The following SORCS1 variants were observed in gnomAD, a reference collection of about 807,000 sequenced individuals.
SORCS1 encodes the protein sortilin related VPS10 domain containing receptor 1.
SORCS1 carries 60 observed loss-of-function variants against 146.1 expected under a neutral mutation model. The ratio of observed to expected loss-of-function variants is 0.41; its 90% CI spans 0.33 to 0.51. The LOEUF (loss-of-function observed/expected upper bound fraction) is 0.51. Ranked by LOEUF, SORCS1 falls within the 20% of genes least tolerant of loss-of-function variation. The pLI is 0.21. For missense variants in SORCS1, 1,352 were observed against 1,487.6 expected, an observed-to-expected ratio of 0.91 and a Z score of 1.50; for synonymous variants, 637 against 584.0, an observed-to-expected ratio of 1.09 and a Z score of -1.31.
At chr10:106,897,046 G>A (rs1385129516) in intron 2 of SORCS1, among the ~76,000 whole-genome samples, 2 of 151,260 alleles carry the variant, frequency 1.3e-5, no homozygotes, top group African/African-American at 4.9e-5. Flanking sequence ...GCCTGCCACC[G>A]CGCCCGGCTA....
chr10:106,897,803 C>T (rs1017771392), intron 2 of SORCS1, among the ~76,000 whole-genome samples: 2 of 152,180 alleles, frequency 1.3e-5, no homozygotes, highest in Non-Finnish European at 1.5e-5. Flanking sequence ...GTAACCAACG[C>T]TTAGTCAATG....
At chr10:106,613,966 T>C (rs1847184523) in intron 21 of SORCS1, among the ~76,000 whole-genome samples, 1 of 151,984 alleles carries the variant, frequency 6.6e-6, no homozygotes, top group East Asian at 1.9e-4. Flanking sequence ...CCACCCAACC[T>C]CAGGTAGCCT....
At chr10:106,819,957 C>T (rs763608515) in intron 3 of SORCS1, among the ~76,000 whole-genome samples, 17 of 152,130 alleles carry the variant, frequency 1.1e-4, no homozygotes, top group Non-Finnish European at 2.1e-4. Context: ...TAGCATTCTC[C>T]CATTACTCTG....
At chr10:106,706,177 A>G (rs1854504399) in intron 8 of SORCS1, among the ~76,000 whole-genome samples, 1 of 144,812 alleles carries the variant, frequency 6.9e-6, no homozygotes, top group South Asian at 2.3e-4. Flanking sequence ...TATAGCAACA[A>G]TCTCAGAGAC....
chr10:106,644,948 G>GTGTA (rs1849316116), intron 18 of SORCS1, among the ~76,000 whole-genome samples: 1 of 152,038 alleles, frequency 6.6e-6, no homozygotes, highest in Non-Finnish European at 1.5e-5. Flanking sequence ...ATACATTCTG[G>GTGTA]TGCATATGTG....
At chr10:106,924,271 C>G (rs573989076) in intron 2 of SORCS1, among the ~76,000 whole-genome samples, 86 of 41,876 alleles carry the variant, frequency 2.1e-3, no homozygotes, top group African/African-American at 3.5e-3. Context: ...AAAAAAAAAA[C>G]TACCTTTTAA....
chr10:106,886,357 G>T (rs1247067086), intron 2 of SORCS1, among the ~76,000 whole-genome samples: 1 of 152,092 alleles, frequency 6.6e-6, no homozygotes, highest in African/African-American at 2.4e-5. Context: ...ACATAAAAAT[G>T]GACTAATACA....
intron 1 of SORCS1, among the ~76,000 whole-genome samples, chr10:107,049,526 C>T (rs1959905881): frequency 6.6e-6 from 1 of 152,164 alleles, no homozygotes; most frequent in Non-Finnish European, 1.5e-5. Flanking sequence ...TGGGACCTGT[C>T]GTAAGTTTAA....
chr10:106,807,128 G>C (rs1359567180), intron 3 of SORCS1, among the ~76,000 whole-genome samples: 1 of 151,298 alleles, frequency 6.6e-6, no homozygotes, highest in Non-Finnish European at 1.5e-5. Context: ...TGCAGTGTTG[G>C]TCAATGACAC....
At chr10:106,630,938 C>T (rs899072343) in intron 18 of SORCS1, among the ~76,000 whole-genome samples, 1 of 152,030 alleles carries the variant, frequency 6.6e-6, no homozygotes, top group Non-Finnish European at 1.5e-5. Flanking sequence ...AACCAGCTTC[C>T]TTCACACACA....
At chr10:106,681,865 C>T (rs1365015787) in intron 10 of SORCS1, among the ~76,000 whole-genome samples, 1 of 152,176 alleles carries the variant, frequency 6.6e-6, no homozygotes, top group African/African-American at 2.4e-5. Flanking sequence ...TGGTGGCTCA[C>T]GCCTGTAATC....
intron 1 of SORCS1, among the ~76,000 whole-genome samples, chr10:107,041,404 TAAAAAAAA>T (rs5787703): frequency 1.4e-5 from 2 of 142,154 alleles, no homozygotes; most frequent in Non-Finnish European, 3.1e-5. Context: ...TAAAGGGGAT[TAAAAAAAA>T]AAAAAAAGAA....
intron 1 of SORCS1, among the ~76,000 whole-genome samples, chr10:107,130,116 T>C (rs1450822679): frequency 1.3e-5 from 2 of 152,252 alleles, no homozygotes; most frequent in African/African-American, 4.8e-5. Context: ...AGGGAATCGC[T>C]GTCTTCCAAT....
rs1373547312 is a variant in SORCS1 at position 106,736,513 on chromosome 10, C to T, written c.960-6399G>A. Reference sequence around the variant, plus strand: ...CTGGCAGGTATTGGCAGTGACATACCTTGGTTTCCTCTCCTACAGTCAAGG... The same window carrying T: ...CTGGCAGGTATTGGCAGTGACATACTTTGGTTTCCTCTCCTACAGTCAAGG... On this transcript the variant is annotated intron_variant, in intron 5 of 25. Coordinates refer to ENST00000263054, the MANE Select transcript of SORCS1 (RefSeq NM_052918.5). 4.8e-5 allele frequency among the ~76,000 whole-genome samples: 7 copies of T among 147,122 alleles called. No homozygotes were observed. The East Asian group carries it at 8.0e-4, about 17-fold the overall frequency.
At chr10:106,892,576 C>A (rs1951277773) in intron 2 of SORCS1, among the ~76,000 whole-genome samples, 1 of 152,182 alleles carries the variant, frequency 6.6e-6, no homozygotes, top group Non-Finnish European at 1.5e-5. Context: ...GATTTATCCA[C>A]CCATTTATTC....
rs1950203454 is a variant in SORCS1 at position 106,865,776 on chromosome 10, G to A, written c.627-36103C>T. ...AAAAATAAAAATAAATAAATAAAAAGTGGCCAGACTGTTTGGGAGGCCCAG... is the reference window on the plus strand; with the variant it reads ...AAAAATAAAAATAAATAAATAAAAAATGGCCAGACTGTTTGGGAGGCCCAG... On this transcript the variant is annotated intron_variant, in intron 2 of 25. Transcript: ENST00000263054. 2.0e-5 allele frequency among the ~76,000 whole-genome samples: 3 copies of A among 151,316 alleles called. No individual in the cohort carries two copies. In the South Asian group the frequency reaches 6.3e-4, roughly 32 times the overall value.
intron 6 of SORCS1, among the ~76,000 whole-genome samples, chr10:106,728,092 T>C (rs1856332059): frequency 6.6e-6 from 1 of 151,756 alleles, no homozygotes; most frequent in Non-Finnish European, 1.5e-5. Flanking sequence ...AGAGCAGTGG[T>C]GCGATCTCAG....
At chr10:107,029,968 CAGAGAGTGGAAAGT>C (rs1298295965) in intron 1 of SORCS1, among the ~76,000 whole-genome samples, 1 of 152,132 alleles carries the variant, frequency 6.6e-6, no homozygotes, top group Non-Finnish European at 1.5e-5. Context: ...GTTTGGAAGG[CAGAGAGTGGAAAGT>C]AGAGGAGCCT....
At chr10:106,641,725 G>T (rs748657652) in intron 18 of SORCS1, among the ~76,000 whole-genome samples, 14 of 152,082 alleles carry the variant, frequency 9.2e-5, no homozygotes, top group Non-Finnish European at 2.1e-4. Context: ...TTACCTTAAA[G>T]ATATGTATAG....
Sources: gnomAD v4.1 joint callset for allele counts (sites outside exome capture counted in the v4.1 genomes callset) on GRCh38, gnomAD v4.1.1 for gene constraint, MANE v1.5 for transcripts, NCBI Gene and HGNC (gene_info 2026-07-23, HGNC 2026-07-21) for gene names.